Variants in HPSE2 observed in about 807,000 individuals in gnomAD.
HPSE2 encodes heparanase 2 (inactive).
Under a neutral mutation model 60.5 loss-of-function variants are expected in HPSE2, and 38 were observed. The observed-to-expected ratio is 0.63, with a 90% CI of 0.48 to 0.82. The LOEUF is 0.82. HPSE2 is among the 40% of genes least tolerant of loss of function. The pLI is 0.00. For synonymous variants in HPSE2, 295 were observed against 293.2 expected, an observed-to-expected ratio of 1.01 and a Z score of -0.06; for missense variants, 713 against 740.4, an observed-to-expected ratio of 0.96 and a Z score of 0.43.
intron 3 of HPSE2, among the ~76,000 whole-genome samples, chr10:98,886,547 C>T (rs1389542357): frequency 6.6e-6 from 1 of 151,026 alleles, no homozygotes; most frequent in Non-Finnish European, 1.5e-5. Context: ...GGAAAGAGTG[C>T]CATAGAGAAG....
chr10:98,584,706 C>T (rs1355785424), intron 9 of HPSE2, among the ~76,000 whole-genome samples: 1 of 152,184 alleles, frequency 6.6e-6, no homozygotes, highest in Admixed American at 6.5e-5. Context: ...ACTTTGCCTT[C>T]CCCATTCTAA....
intron 10 of HPSE2, among the ~76,000 whole-genome samples, chr10:98,483,605 CT>C (rs1941329483): frequency 6.6e-6 from 1 of 152,166 alleles, no homozygotes; most frequent in Non-Finnish European, 1.5e-5. Flanking sequence ...TCTTCCTGCC[CT>C]ACTAAGTGAT....
At chr10:98,588,511 C>T (rs1944999203) in intron 9 of HPSE2, among the ~76,000 whole-genome samples, 2 of 152,116 alleles carry the variant, frequency 1.3e-5, no homozygotes, top group African/African-American at 4.8e-5. Flanking sequence ...ACGGCCTTTG[C>T]TTTCCTGCAG....
At chr10:98,506,228 T>A (rs1942195082) in intron 9 of HPSE2, among the ~76,000 whole-genome samples, 1 of 152,184 alleles carries the variant, frequency 6.6e-6, no homozygotes, top group Non-Finnish European at 1.5e-5. Context: ...TTTTCTCTAT[T>A]AAGAAATGGT....
chr10:99,129,641 A>G (rs948691769), intron 3 of HPSE2, among the ~76,000 whole-genome samples: 1 of 151,990 alleles, frequency 6.6e-6, no homozygotes, highest in Non-Finnish European at 1.5e-5. Context: ...AAGCAATGCT[A>G]AGAGGAAAGT....
rs1215417721 is a variant in HPSE2, at chr10:98,814,877, G to A, written c.611-70821C>T. 3.3e-5 allele frequency among the ~76,000 whole-genome samples: 5 copies of A among 152,192 alleles called. No individual in the cohort carries two copies. In the East Asian group the frequency reaches 5.8e-4, roughly 18 times the overall value. On this transcript the variant is annotated intron_variant, in intron 3 of 11. Coordinates refer to ENST00000370552, the MANE Select transcript of HPSE2 (RefSeq NM_021828.5). ...TGTTATTACGTTATACATTGTGGCC[G>A]ATTAATTTAAAAACACTCAAGAGAT...
chr10:98,480,576 C>T lies in HPSE2; in HGVS notation c.1613+2060G>A, dbSNP rs149447403. ...AGGGGAATCATCTTGGAGGCAGGGA[C>T]GTAGGGGTGGGGTAAATAGGTTTAG... On this transcript the variant is annotated intron_variant, in intron 11 of 11. Transcript: ENST00000370552. Among the ~76,000 whole-genome samples the T allele has an allele frequency of 6.6e-5, 10 of 152,142 alleles. No homozygotes were observed. In the East Asian group the frequency reaches 1.9e-3, roughly 29 times the overall value.
intron 10 of HPSE2, among the ~76,000 whole-genome samples, chr10:98,483,980 G>T (rs978518388): frequency 6.6e-6 from 1 of 152,140 alleles, no homozygotes; most frequent in African/African-American, 2.4e-5. Context: ...CTATATGAGA[G>T]CACCTATTTC....
intron 3 of HPSE2, among the ~76,000 whole-genome samples, chr10:99,011,922 A>G (rs1414184160): frequency 1.3e-5 from 2 of 152,036 alleles, no homozygotes; most frequent in African/African-American, 4.8e-5. Flanking sequence ...TTTATATTAC[A>G]GAAGATACAA....
chr10:98,897,293 T>G (rs370719290), intron 3 of HPSE2, among the ~76,000 whole-genome samples: 4 of 152,148 alleles, frequency 2.6e-5, no homozygotes, highest in Admixed American at 6.6e-5. Flanking sequence ...AAGAAGTTAT[T>G]CGTGTAACCA....
intron 3 of HPSE2, among the ~76,000 whole-genome samples, chr10:98,795,596 A>G (rs2801395): frequency 0.12 from 17,632 of 152,212 alleles, 2,598 homozygotes; most frequent in African/African-American, 0.34. Context: ...AAAGCAGTCT[A>G]GGCCACAGGG....
chr10:98,579,628 T>C (rs1204180412), intron 9 of HPSE2, among the ~76,000 whole-genome samples: 1 of 152,216 alleles, frequency 6.6e-6, no homozygotes. Flanking sequence ...TTTCCTTTTA[T>C]AGCTTTCCAA....
intron 3 of HPSE2, among the ~76,000 whole-genome samples, chr10:98,773,787 G>T (rs1402746433): frequency 2.0e-5 from 3 of 152,134 alleles, no homozygotes; most frequent in Non-Finnish European, 4.4e-5. Flanking sequence ...ATCTTTTGAG[G>T]CCAGGGACAG....
intron 3 of HPSE2, among the ~76,000 whole-genome samples, chr10:99,048,569 C>CA (rs1260101907): frequency 4.6e-5 from 7 of 151,722 alleles, no homozygotes; most frequent in Admixed American, 3.9e-4. Context: ...TTTAAAAAGT[C>CA]AAAAAAACAA....
intron 3 of HPSE2, among the ~76,000 whole-genome samples, chr10:99,051,777 A>C (rs946726143): frequency 6.6e-6 from 1 of 152,192 alleles, no homozygotes; most frequent in African/African-American, 2.4e-5. Context: ...TTGATTCTCC[A>C]GTGTGTCTGC....
chr10:99,247,527 C>A, the HPSE2 span, among the ~76,000 whole-genome samples: 1 of 152,214 alleles, frequency 6.6e-6, no homozygotes, highest in East Asian at 1.9e-4. Context: ...ATGATAGGAT[C>A]AACACCTCAC....
chr10:98,615,543 T>C (rs1320277138), intron 8 of HPSE2, among the ~76,000 whole-genome samples: 4 of 152,206 alleles, frequency 2.6e-5, no homozygotes, highest in Admixed American at 6.5e-5. Flanking sequence ...CAGTAGTCAA[T>C]GCAATAATAA....
chr10:98,470,733 G>A lies in HPSE2; in HGVS notation c.1614-10994C>T, dbSNP rs73335717. On this transcript the variant is annotated intron_variant, in intron 11 of 11. Transcript: ENST00000370552. ...TAACTTGCCCATTTACAGGTGTTTC[G>A]TCTAGGTCATCTGGGACAGAATGGA... 5.1e-3 allele frequency among the ~76,000 whole-genome samples: 777 copies of A among 152,268 alleles called. 7 individuals carry two copies. The highest frequency in any genetic ancestry group is 0.018 in the African/African-American group (734 of 41,548).
At chr10:98,703,954 A>G (rs779055795) in intron 5 of HPSE2, among the ~76,000 whole-genome samples, 5 of 152,132 alleles carry the variant, frequency 3.3e-5, no homozygotes, top group Non-Finnish European at 7.4e-5. Flanking sequence ...GAGTATTCAA[A>G]TAGGAAGAGA....
Sources: allele counts gnomAD v4.1 joint callset (sites outside exome capture counted in the v4.1 genomes callset), GRCh38; gene constraint gnomAD v4.1.1; transcripts MANE v1.5; gene names NCBI Gene and HGNC (gene_info 2026-07-23, HGNC 2026-07-21).